Variants in PPFIA2 observed in about 807,000 individuals in gnomAD.
PPFIA2 encodes liprin-alpha-2.
PPFIA2 carries 46 observed loss-of-function variants against 175.5 expected under a neutral mutation model. The observed-to-expected ratio is 0.26, with a 90% CI of 0.21 to 0.34. The LOEUF (loss-of-function observed/expected upper bound fraction) is 0.34, where lower values mean the gene tolerates loss of function less well. Among genes scored for constraint, PPFIA2 ranks in the 10% least tolerant of loss-of-function variants. PPFIA2 has a pLI of 1.00. For synonymous variants in PPFIA2, 568 were observed against 511.4 expected (o/e 1.11, Z -1.49); for missense variants, 1,179 against 1,506.1 (o/e 0.78, Z 3.60).
chr12:81,635,166 ATC>A (rs1308901600), intron 4 of PPFIA2, among the ~76,000 whole-genome samples: 4 of 152,210 alleles, frequency 2.6e-5, no homozygotes, highest in African/African-American at 9.7e-5. Context: ...TCTACTGCTT[ATC>A]TGTCAAATAT....
intron 8 of PPFIA2, among the ~76,000 whole-genome samples, chr12:81,388,331 T>A (rs2039411512): frequency 6.6e-6 from 1 of 152,100 alleles, no homozygotes; most frequent in African/African-American, 2.4e-5. Flanking sequence ...ATATTACTGA[T>A]CTCTCCAATA....
intron 4 of PPFIA2, among the ~76,000 whole-genome samples, chr12:81,569,357 T>C (rs1595070248): frequency 6.6e-6 from 1 of 152,210 alleles, no homozygotes; most frequent in East Asian, 1.9e-4. Context: ...GTAACTTTTA[T>C]CTTCCCTAAC....
chr12:81,635,555 G>A (rs542259554), intron 4 of PPFIA2, among the ~76,000 whole-genome samples: 16 of 152,274 alleles, frequency 1.1e-4, no homozygotes, highest in Admixed American at 5.2e-4. Flanking sequence ...CAACCAGGAA[G>A]ACATGAAATG....
At position 81,301,353 on chromosome 12, in the gene PPFIA2, A is replaced by T. The variant is rs536205684; in HGVS notation, c.2643-1971T>A. 1.1e-4 allele frequency among the ~76,000 whole-genome samples: 16 copies of T among 152,318 alleles called. No individual in the cohort carries two copies. In the East Asian group the frequency reaches 3.1e-3, roughly 29 times the overall value. On this transcript the variant is annotated intron_variant, in intron 22 of 32. Coordinates refer to ENST00000549396, the MANE Select transcript of PPFIA2 (RefSeq NM_003625.5). ...AGGGAAGAAATAAATTTACATTTAC[A>T]ATTAGTTTTTGCTTCACATAGTAAA...
intron 24 of PPFIA2, among the ~76,000 whole-genome samples, chr12:81,286,345 A>T (rs544681865): frequency 6.6e-6 from 1 of 152,192 alleles, no homozygotes; most frequent in Non-Finnish European, 1.5e-5. Flanking sequence ...CTACAGTAGT[A>T]TATAGTAATG....
chr12:81,442,555 A>G (rs2050367564), intron 6 of PPFIA2, among the ~76,000 whole-genome samples: 1 of 151,820 alleles, frequency 6.6e-6, no homozygotes. Flanking sequence ...GAGTAATTGA[A>G]AAACACAAGT....
rs1686587427 is a variant in PPFIA2 at position 81,747,107 on chromosome 12, A to G, written c.249+6866T>C. 1.4e-5 allele frequency among the ~76,000 whole-genome samples: 2 copies of G among 144,060 alleles called. 1 individual carries two copies. Among genetic ancestry groups the G allele is most frequent in the Non-Finnish European group, 3.1e-5 (2 of 64,306 alleles). 94.5% of individuals were successfully genotyped at this position (144,060 alleles called of 152,430 possible). On this transcript the variant is annotated intron_variant, in intron 3 of 32. Transcript: ENST00000549396. ...AAAAAGAAGCAATGAGCAATACAGA[A>G]AGCAAGCAGATATTTTATTTGGCCA...
chr12:81,485,325 C>CT (rs1308991446), intron 4 of PPFIA2, among the ~76,000 whole-genome samples: 1 of 151,460 alleles, frequency 6.6e-6, no homozygotes, highest in Non-Finnish European at 1.5e-5. Context: ...ATCATTTAGT[C>CT]TTTTTTTAAC....
chr12:81,554,669 G>A (rs576499052), intron 4 of PPFIA2, among the ~76,000 whole-genome samples: 8 of 152,100 alleles, frequency 5.3e-5, no homozygotes, highest in African/African-American at 9.6e-5. Flanking sequence ...AGCAACAAGG[G>A]GAGTTTGAGG....
At chr12:81,489,449 T>A (rs2059191901) in intron 4 of PPFIA2, among the ~76,000 whole-genome samples, 1 of 151,874 alleles carries the variant, frequency 6.6e-6, no homozygotes, top group African/African-American at 2.4e-5. Flanking sequence ...ATGCACCTGT[T>A]GAAAGCAACC....
intron 4 of PPFIA2, among the ~76,000 whole-genome samples, chr12:81,617,379 C>T (rs1319943180): frequency 2.6e-5 from 4 of 152,130 alleles, no homozygotes; most frequent in African/African-American, 9.7e-5. Context: ...CACCACTAGT[C>T]TGTAGATCTT....
rs78644853 is a variant in PPFIA2 at position 81,559,975 on chromosome 12, TC to T, written c.304-102110del. Among the ~76,000 whole-genome samples, 101 of 152,278 alleles carry T rather than the reference TC, an allele frequency of 6.6e-4. 2 individuals carry two copies. In the South Asian group the frequency reaches 0.017, roughly 25 times the overall value. On this transcript the variant is annotated intron_variant, in intron 4 of 32. Transcript: ENST00000549396. Reference sequence around the variant, plus strand: ...GGGCTGACACATGTGGCCTCCTCTATCCAAGATATAACACGTTATTACACTT... The same window carrying T: ...GGGCTGACACATGTGGCCTCCTCTATCAAGATATAACACGTTATTACACTT...
intron 4 of PPFIA2, among the ~76,000 whole-genome samples, chr12:81,665,202 A>C (rs2069910715): frequency 6.6e-6 from 1 of 152,048 alleles, no homozygotes; most frequent in South Asian, 2.1e-4. Context: ...TAAACGTGAA[A>C]AAAATTTACG....
intron 4 of PPFIA2, among the ~76,000 whole-genome samples, chr12:81,521,833 A>AAAG (rs2063189263): frequency 6.6e-6 from 1 of 151,942 alleles, no homozygotes. Context: ...AAAAAAAAAA[A>AAAG]AAATTATTGC....
chr12:81,722,014 A>G (rs957315834), intron 3 of PPFIA2, among the ~76,000 whole-genome samples: 1 of 151,064 alleles, frequency 6.6e-6, no homozygotes, highest in Non-Finnish European at 1.5e-5. Context: ...GGTGTAGGAC[A>G]TTAGTTTAGA....
At chr12:81,611,095 C>A (rs886827776) in intron 4 of PPFIA2, among the ~76,000 whole-genome samples, 1 of 152,102 alleles carries the variant, frequency 6.6e-6, no homozygotes, top group African/African-American at 2.4e-5. Flanking sequence ...TACTTCCTAG[C>A]ATTCGCGGGG....
At chr12:81,421,324 G>T (rs1470371739) in intron 7 of PPFIA2, among the ~76,000 whole-genome samples, 1 of 151,880 alleles carries the variant, frequency 6.6e-6, no homozygotes, top group Non-Finnish European at 1.5e-5. Flanking sequence ...TACTATAAAG[G>T]TTAGAGATAC....
chr12:81,509,943 T>C (rs564960586), intron 4 of PPFIA2, among the ~76,000 whole-genome samples: 5 of 152,138 alleles, frequency 3.3e-5, no homozygotes, highest in Admixed American at 1.3e-4. Flanking sequence ...TAAAGGCAAC[T>C]GGAATTTAGA....
At chr12:81,417,857 A>G (rs2045583537) in intron 7 of PPFIA2, among the ~76,000 whole-genome samples, 1 of 151,816 alleles carries the variant, frequency 6.6e-6, no homozygotes, top group South Asian at 2.1e-4. Context: ...GTCTCCAACA[A>G]ATTGCCATCT....
Sources: gnomAD v4.1 joint callset for allele counts (sites outside exome capture counted in the v4.1 genomes callset) on GRCh38, gnomAD v4.1.1 for gene constraint, MANE v1.5 for transcripts, NCBI Gene and HGNC (gene_info 2026-07-23, HGNC 2026-07-21) for gene names.